The following TJP3 variants were observed in gnomAD, a reference collection of about 807,000 sequenced individuals.
The protein encoded by TJP3 is tight junction protein 3, also known as tight junction protein ZO-3.
TJP3 carries 85 observed loss-of-function variants against 104.2 expected under a neutral mutation model. The ratio of observed to expected loss-of-function variants is 0.82; its 90% confidence interval spans 0.68 to 0.98. The LOEUF (loss-of-function observed/expected upper bound fraction) is 0.98, where lower values mean the gene tolerates loss of function less well. Ranked by LOEUF, TJP3 falls within the 50% of genes least tolerant of loss-of-function variation. The pLI is 0.00. For missense variants in TJP3, 1,367 were observed against 1,322.8 expected, an observed-to-expected ratio of 1.03 and a Z score of -0.52; for synonymous variants, 550 against 550.6, an observed-to-expected ratio of 1.00 and a Z score of 0.02.
intron 1 of TJP3, among the ~76,000 whole-genome samples, chr19:3,719,045 G>A (rs1301312736): frequency 2.0e-5 from 3 of 151,840 alleles, no homozygotes; most frequent in South Asian, 2.1e-4. Context: ...TTAGCCACGC[G>A]TGGTGGCCGG....
In TJP3 at chr19:3,750,691, G is replaced by A. The variant is rs34278595; in HGVS notation, c.*7G>A. 30 of 1,589,846 alleles carry A rather than the reference G, an allele frequency of 1.9e-5. No individual in the cohort carries two copies. The highest frequency in any genetic ancestry group is 3.3e-4 in the Middle Eastern group (2 of 6,064). On this transcript the variant is annotated 3_prime_UTR_variant, in exon 21 of 21. Coordinates refer to ENST00000541714, the MANE Select transcript of TJP3 (RefSeq NM_001267560.2). ...TCCGGCCACTGACCTGTGACCTCTC[G>A]AAGGCTGCCAGCTGGTCCGTCCTCC...
In TJP3 at chr19:3,739,051, C is replaced by T. The variant is rs752832500; in HGVS notation, c.1548C>T (p.His516=). Residue 516 remains histidine, a synonymous_variant, in exon 13 of 21, where the codon CAC becomes CAT. Transcript: ENST00000541714. ...TGCACCCCGGCCCCGGGCAGAGCCA[C>T]GCACGAGGAGGCCACTGGCTGGCGG... ...DTLHPGPGQS[H]ARGGHWLAVR... is the part of the protein sequence containing the mutation. The T allele has an allele frequency of 4.6e-5, 74 of 1,609,666 alleles. No homozygotes were observed. Among genetic ancestry groups the T allele is most frequent in the Admixed American group, 2.3e-4 (14 of 59,662 alleles).
Position 3,730,829 on chromosome 19 carries a change from C to A in TJP3, c.613+123C>A, listed in dbSNP as rs760129415. ...CCTGGTGGCTGGGACTCCAGGCGCC[C>A]GCCACCATGCCTGGCTAATTTTTGT... On this transcript the variant is annotated intron_variant, in intron 5 of 20. Coordinates refer to ENST00000541714, the MANE Select transcript of TJP3 (RefSeq NM_001267560.2). The surrounding 1 kb of genome is among the most constrained non-coding windows in gnomAD (Gnocchi z 7.3). 9.7e-7 allele frequency: 1 copy of A among 1,035,436 alleles called. No homozygotes were observed. The highest frequency in any genetic ancestry group is 1.4e-6 in the Non-Finnish European group (1 of 734,022). 64.1% of individuals were successfully genotyped at this position (1,035,436 alleles called of 1,614,324 possible).
At chr19:3,742,709 G>A (rs536742523) in intron 14 of TJP3, among the ~76,000 whole-genome samples, 2 of 147,312 alleles carry the variant, frequency 1.4e-5, no homozygotes, top group Non-Finnish European at 3.0e-5. Context: ...TTGGGAGGCC[G>A]AGGTGTAATC....
intron 6 of TJP3, 145 bp downstream of exon 6, chr19:3,732,183 G>T: frequency 1.6e-6 from 1 of 632,056 alleles, no homozygotes; most frequent in South Asian, 2.4e-5. Context: ...AAAGGTTGCA[G>T]ATGGCCAGGC....
Position 3,746,761 on chromosome 19 carries a change from G to T in TJP3, c.2222-15G>T. ...GCCTGAGTCTCCTGCACACACTGAC[G>T]TCCCCTCCCTGCAGCCACCATCCCT... On this transcript the variant is annotated splice_polypyrimidine_tract_variant and intron_variant, in intron 17 of 20. Transcript: ENST00000541714. The surrounding 1 kb of genome is among the most constrained non-coding windows in gnomAD (Gnocchi z 4.1). 6.2e-7 allele frequency: 1 copy of T among 1,603,516 alleles called. No homozygotes were observed. Among genetic ancestry groups the T allele is most frequent in the Non-Finnish European group, 8.5e-7 (1 of 1,174,954 alleles).
chr19:3,744,207 T>C (rs939955618), intron 15 of TJP3, among the ~76,000 whole-genome samples, 173 bp downstream of exon 15: 3 of 152,152 alleles, frequency 2.0e-5, no homozygotes, highest in Non-Finnish European at 2.9e-5. Flanking sequence ...GCACCGTTTG[T>C]CTGGATAGAA....
chr19:3,750,538 C>A (rs951266743), intron 20 of TJP3, 44 bp from the exon 21 acceptor site: 1 of 1,500,160 alleles, frequency 6.7e-7, no homozygotes, highest in Admixed American at 1.9e-5. Context: ...AGAAAGCTCA[C>A]ACCCTTCCCA....
chr19:3,711,789 GGGA>G (rs1324782462), intron 1 of TJP3, among the ~76,000 whole-genome samples: 1 of 148,718 alleles, frequency 6.7e-6, no homozygotes, highest in Non-Finnish European at 1.5e-5. Flanking sequence ...TAATTAATAT[GGGA>G]ACCGGTAAGA....
intron 1 of TJP3, among the ~76,000 whole-genome samples, chr19:3,712,818 G>A (rs538583105): frequency 1.5e-3 from 224 of 151,842 alleles, no homozygotes; most frequent in Non-Finnish European, 2.9e-3. Context: ...GCAGGGTGGC[G>A]TGCACCTGTG....
intron 19 of TJP3, among the ~76,000 whole-genome samples, 182 bp from the exon 20 acceptor site, chr19:3,749,956 T>G (rs2036967654): frequency 6.6e-6 from 1 of 152,142 alleles, no homozygotes; most frequent in Non-Finnish European, 1.5e-5. Flanking sequence ...GCTAAGGCCT[T>G]CCCCTATCCC....
Position 3,744,004 on chromosome 19 carries a change from G to A in TJP3, c.1909G>A (p.Ala637Thr), listed in dbSNP as rs748400093. 6.2e-7 allele frequency: 1 copy of A among 1,614,140 alleles called. No homozygotes were observed. The highest frequency in any genetic ancestry group is 1.7e-5 in the Admixed American group (1 of 60,004). Reference sequence around the variant, plus strand: ...CGACATTGCTATGCAGAAGTTGACTGCTGAGATGCCTGACCAGTTTGAAAT... The same window carrying A: ...CGACATTGCTATGCAGAAGTTGACTACTGAGATGCCTGACCAGTTTGAAAT... The part of the protein sequence containing the change: ...VADIAMQKLT[A>T]EMPDQFEIAE... The change falls in exon 15 of 21, where the codon GCT becomes ACT. Residue 637 changes from alanine (A) to threonine (T), a missense_variant. Transcript: ENST00000541714.
intron 1 of TJP3, chr19:3,722,021 C>G (rs573964048): frequency 1.8e-6 from 1 of 557,374 alleles, no homozygotes; most frequent in South Asian, 9.1e-5. Flanking sequence ...ACCTACATAA[C>G]AGGCAGGGAA....
At chr19:3,740,006 G>GTT (rs2036791220) in intron 13 of TJP3, among the ~76,000 whole-genome samples, 1 of 152,032 alleles carries the variant, frequency 6.6e-6, no homozygotes, top group Non-Finnish European at 1.5e-5. Flanking sequence ...GGCTGAGGCG[G>GTT]GCAGATCACG....
chr19:3,714,689 C>T (rs933746238), intron 1 of TJP3, among the ~76,000 whole-genome samples: 1 of 151,994 alleles, frequency 6.6e-6, no homozygotes, highest in Non-Finnish European at 1.5e-5. Context: ...GGGCGGATCA[C>T]GAGGTCAGAG....
intron 1 of TJP3, among the ~76,000 whole-genome samples, chr19:3,709,366 G>A (rs1420182801): frequency 6.6e-6 from 1 of 152,192 alleles, no homozygotes; most frequent in Non-Finnish European, 1.5e-5. Flanking sequence ...AAAGTGCTGG[G>A]ATTACAGGCG....
Position 3,743,984 on chromosome 19 carries a change from T to C in TJP3, c.1889T>C (p.Ile630Thr), listed in dbSNP as rs758361758. 3.0e-5 allele frequency: 49 copies of C among 1,614,012 alleles called. No individual in the cohort carries two copies. Among genetic ancestry groups the C allele is most frequent in the Admixed American group, 5.0e-5 (3 of 59,984 alleles). ...GTGATCCTGGGACCCGTGGCCGACA[T>C]TGCTATGCAGAAGTTGACTGCTGAG... ...PVVILGPVAD[I>T]AMQKLTAEMP... The change falls in exon 15 of 21, where the codon ATT (isoleucine) becomes ACT (threonine). Residue 630 changes from isoleucine to threonine, a missense_variant. Coordinates refer to ENST00000541714, the MANE Select transcript of TJP3 (RefSeq NM_001267560.2).
In TJP3 at chr19:3,724,730, G is replaced by T. The variant is rs150339388; in HGVS notation, c.-9-3694G>T. 2.6e-4 allele frequency among the ~76,000 whole-genome samples: 39 copies of T among 152,100 alleles called. No individual in the cohort carries two copies. In the East Asian group the frequency reaches 7.5e-3, roughly 29 times the overall value. ...TTTTGTATTTTTTTGTAGAGATGAG[G>T]GTCTCACTATGTTGCTCAGGTTGGT... On this transcript the variant is annotated intron_variant, in intron 1 of 20. Coordinates refer to ENST00000541714, the MANE Select transcript of TJP3 (RefSeq NM_001267560.2).
rs760134714 is a variant in TJP3 at position 3,738,893 on chromosome 19, C to A, written c.1394-4C>A. On this transcript the variant is annotated splice_polypyrimidine_tract_variant and splice_region_variant and intron_variant, in intron 12 of 20. Coordinates refer to ENST00000541714, the MANE Select transcript of TJP3 (RefSeq NM_001267560.2). ...CAGCTCATGTGGCCTCCCGCTCTCC[C>A]CAGTTTTCTGGAAAATGGTGCAGTC... 6.3e-7 allele frequency: 1 copy of A among 1,581,580 alleles called. No homozygotes were observed. Among genetic ancestry groups the A allele is most frequent in the South Asian group, 1.1e-5 (1 of 87,554 alleles).
Sources: allele counts gnomAD v4.1 joint callset (sites outside exome capture counted in the v4.1 genomes callset), GRCh38; gene constraint gnomAD v4.1.1; non-coding constraint Gnocchi (gnomAD v3.1); transcripts MANE v1.5; gene names NCBI Gene and HGNC (gene_info 2026-07-23, HGNC 2026-07-21).